ITGA2B: variants seen among roughly 807,000 people sequenced by gnomAD.
ITGA2B encodes the protein integrin alpha-IIb.
Under a neutral mutation model 142.0 loss-of-function variants are expected in ITGA2B, and 91 were observed. The observed-to-expected ratio is 0.64, with a 90% CI of 0.54 to 0.76. ITGA2B has a LOEUF of 0.76. ITGA2B is among the 30% of genes least tolerant of loss of function. ITGA2B has a pLI of 0.00. For missense variants in ITGA2B, 1,231 were observed against 1,350.8 expected, an observed-to-expected ratio of 0.91 and a Z score of 1.39; for synonymous variants, 536 against 567.2, an observed-to-expected ratio of 0.94 and a Z score of 0.78.
At chr17:44,375,459 C>T in intron 26 of ITGA2B, 132 bp downstream of exon 26, 2 of 1,114,570 alleles carry the variant, frequency 1.8e-6, no homozygotes, top group South Asian at 3.1e-5. Context: ...TCCATGTTCA[C>T]TTGAAGTGCT....
intron 29 of ITGA2B, 49 bp from the exon 30 acceptor site, chr17:44,372,472 C>A: frequency 6.4e-7 from 1 of 1,560,236 alleles, no homozygotes; most frequent in Non-Finnish European, 8.8e-7. Context: ...GATTTGCTGG[C>A]CCCAGAGCAC....
chr17:44,376,022 G>A, intron 24 of ITGA2B, 37 bp from the exon 25 acceptor site: 1 of 1,614,104 alleles, frequency 6.2e-7, no homozygotes, highest in Non-Finnish European at 8.5e-7. Context: ...GGGGAGCTTA[G>A]CGCCTCACCC....
At chr17:44,383,361 AC>A in intron 12 of ITGA2B, 131 bp downstream of exon 12, 2 of 816,466 alleles carry the variant, frequency 2.4e-6, no homozygotes, top group South Asian at 1.5e-5. Context: ...TCCACTCAGC[AC>A]CCCATGTGTC....
rs557632223 is a variant in ITGA2B at position 44,374,942 on chromosome 17, A to G, written c.2841+56T>C. 1.7e-4 allele frequency: 242 copies of G among 1,400,928 alleles called. No individual in the cohort carries two copies. In the African/African-American group the frequency reaches 3.1e-3, roughly 18 times the overall value. 86.8% of individuals were successfully genotyped at this position (1,400,928 alleles called of 1,614,324 possible). A position where few individuals can be genotyped will look rare whatever the true frequency, so the allele number is the denominator to read the frequency against. ...CCACACCAAACCCCGCCCCTCCCAG[A>G]GCAAAGTGGTCCCCGCCCAGAAGGC... On this transcript the variant is annotated intron_variant, in intron 27 of 29. Transcript: ENST00000262407.
chr17:44,376,379 G>C lies in ITGA2B; in HGVS notation c.2277C>G (p.Ser759Arg). The change falls in exon 23 of 30, where the codon AGC (serine) becomes AGG (arginine). Residue 759 changes from serine (S) to arginine (R), a missense_variant. By Grantham distance (110) the Ser-to-Arg change is moderately radical. This residue lies in a region of ITGA2B where 908 missense variants were observed against 1,021.1 expected (regional missense o/e 0.89). Coordinates refer to ENST00000262407, the MANE Select transcript of ITGA2B (RefSeq NM_000419.5). ...SFQLQIRSKN[S>R]QNPNSKIVLL... ...GCACAATCTTGCTGTTTGGATTCTG[G>C]CTGTTCTTGCTAGAGGGGAGGGGAT... 1 of 1,614,172 alleles carries C rather than the reference G, an allele frequency of 6.2e-7. No homozygotes were observed. Among genetic ancestry groups the C allele is most frequent in the Non-Finnish European group, 8.5e-7 (1 of 1,180,032 alleles).
Position 44,374,472 on chromosome 17 carries a change from TG to T in ITGA2B, c.2944-3del, listed in dbSNP as rs747601937. On this transcript the variant is annotated splice_region_variant and splice_polypyrimidine_tract_variant and intron_variant, in intron 28 of 29. Transcript: ENST00000262407. The stretch of plus-strand genomic sequence containing the variant: ...GGCCCGGAGCAGCTGTGTCCACACC[TG>T]GGGGCAAACCCACGTGTCTCCTCAG... The T allele has an allele frequency of 4.3e-6, 7 of 1,613,674 alleles. No individual in the cohort carries two copies. In the South Asian group the frequency reaches 7.7e-5, roughly 18 times the overall value.
intron 14 of ITGA2B, 31 bp from the exon 15 acceptor site, chr17:44,380,521 C>T: frequency 6.2e-7 from 1 of 1,613,782 alleles, no homozygotes; most frequent in Non-Finnish European, 8.5e-7. Context: ...GGTAGGCTTG[C>T]CATTGTGGCT....
intron 12 of ITGA2B, among the ~76,000 whole-genome samples, chr17:44,383,234 T>C (rs1008121586): frequency 6.6e-6 from 1 of 152,112 alleles, no homozygotes; most frequent in African/African-American, 2.4e-5. Context: ...CCTAAATATC[T>C]GTGAAGTCAC....
intron 12 of ITGA2B, among the ~76,000 whole-genome samples, chr17:44,382,607 G>A (rs1308198698): frequency 6.6e-6 from 1 of 151,978 alleles, no homozygotes; most frequent in Admixed American, 6.6e-5. Context: ...CCACTTCCCG[G>A]GTTCAAGAGA....
At chr17:44,376,518 A>T in intron 22 of ITGA2B, 130 bp from the exon 23 acceptor site, 1 of 802,820 alleles carries the variant, frequency 1.2e-6, no homozygotes, top group East Asian at 2.6e-5. Flanking sequence ...CTGAAGTTAG[A>T]CCTGGGAAAG....
At position 44,380,368 on chromosome 17, in the gene ITGA2B, T is replaced by C. The variant is rs769114107; in HGVS notation, c.1544+18A>G. On this transcript the variant is annotated intron_variant, in intron 15 of 29. Coordinates refer to ENST00000262407, the MANE Select transcript of ITGA2B (RefSeq NM_000419.5). ...GAGGTCCCAGATCCTTTAAGGCCCA[T>C]GCCCTCTGCCTCCTCACCAGCTCAC... 12 of 1,614,000 alleles carry C rather than the reference T, an allele frequency of 7.4e-6. No homozygotes were observed. The Admixed American group carries it at 1.8e-4, about 25-fold the overall frequency.
intron 29 of ITGA2B, 120 bp downstream of exon 29, chr17:44,374,234 A>C: frequency 1.2e-6 from 1 of 849,520 alleles, no homozygotes. Context: ...GTGGAGACAT[A>C]GACCCCTGGT....
At chr17:44,387,852 A>G (rs111500066) in intron 1 of ITGA2B, among the ~76,000 whole-genome samples, 9 of 149,978 alleles carry the variant, frequency 6.0e-5, no homozygotes, top group East Asian at 1.9e-4. Context: ...AAAAAAAAAA[A>G]AAGAAGAAGA....
Position 44,375,198 on chromosome 17 carries a change from A to G in ITGA2B, c.2728-87T>C, listed in dbSNP as rs2048530339. The stretch of plus-strand genomic sequence containing the variant: ...CCCTTACCCCCAGGACCCAACGCAG[A>G]AGGGGCCGGGGGTTCAGGAAGCGGT... On this transcript the variant is annotated intron_variant, in intron 26 of 29. Coordinates refer to ENST00000262407, the MANE Select transcript of ITGA2B (RefSeq NM_000419.5). 3 of 1,135,022 alleles carry G rather than the reference A, an allele frequency of 2.6e-6. No individual in the cohort carries two copies. In the South Asian group the frequency reaches 4.0e-5, roughly 15 times the overall value. The allele number at this position is 1,135,022 out of a possible 1,614,324, so 70.3% of individuals were successfully genotyped here. A position where few individuals can be genotyped will look rare whatever the true frequency, so the allele number is the denominator to read the frequency against.
chr17:44,373,983 GCAAC>G, intron 29 of ITGA2B: 242 of 300,664 alleles, frequency 8.0e-4, no homozygotes, highest in South Asian at 1.7e-3. Flanking sequence ...TCGGCTCACT[GCAAC>G]CTCCGCCTCC....
chr17:44,383,901 C>T lies in ITGA2B; in HGVS notation c.991G>A (p.Gly331Arg), dbSNP rs770849599. ...GGGCATGTCCCTCCTCACCCATCCC[C>T]GTTGACGTCAGTGACAGCCACTGAA... ...GHSVAVTDVNGDGRHDLLVGA... is the reference protein window; with the variant it reads ...GHSVAVTDVNRDGRHDLLVGA... Residue 331 changes from glycine to arginine, a missense_variant, in exon 11 of 30, where the codon GGG (glycine) becomes AGG (arginine). Gly to Arg is a moderately radical substitution (Grantham distance 125). Transcript: ENST00000262407. 1.2e-6 allele frequency: 2 copies of T among 1,613,834 alleles called. No individual in the cohort carries two copies. The highest frequency in any genetic ancestry group is 2.2e-5 in the East Asian group (1 of 44,874).
intron 13 of ITGA2B, 36 bp downstream of exon 13, chr17:44,380,843 T>C: frequency 1.9e-6 from 3 of 1,611,774 alleles, no homozygotes; most frequent in Non-Finnish European, 2.5e-6. Context: ...CAAGGGCCTT[T>C]CTTGGGCATT....
intron 11 of ITGA2B, 68 bp downstream of exon 11, chr17:44,383,826 G>T: frequency 6.3e-7 from 1 of 1,592,896 alleles, no homozygotes; most frequent in Admixed American, 1.7e-5. Context: ...GGCTAGGAAA[G>T]GGAGACAGAG....
At chr17:44,384,274 A>G in intron 9 of ITGA2B, 37 bp downstream of exon 9, 3 of 1,612,266 alleles carry the variant, frequency 1.9e-6, no homozygotes, top group Admixed American at 1.7e-5. Flanking sequence ...GAACTGGGAT[A>G]AGGGGCTTCG....
Sources: gnomAD v4.1 joint callset for allele counts (sites outside exome capture counted in the v4.1 genomes callset) on GRCh38, gnomAD v4.1.1 for gene constraint, gnomAD v4.1.1 regional missense constraint, MANE v1.5 for transcripts, NCBI Gene and HGNC (gene_info 2026-07-23, HGNC 2026-07-21) for gene names.